The following ARHGEF10L variants were observed in gnomAD, a reference collection of about 807,000 sequenced individuals.
The protein encoded by ARHGEF10L is Rho guanine nucleotide exchange factor 10 like.
A neutral mutation model predicts 141.2 loss-of-function variants in ARHGEF10L; 69 were observed. The observed-to-expected ratio is 0.49, with a 90% CI of 0.40 to 0.60. The LOEUF is 0.60. Ranked by LOEUF, ARHGEF10L falls within the 20% of genes least tolerant of loss-of-function variation. The pLI is 0.00. For missense variants in ARHGEF10L, 1,482 were observed against 1,734.3 expected, an observed-to-expected ratio of 0.85 and a Z score of 2.58; for synonymous variants, 711 against 718.5, an observed-to-expected ratio of 0.99 and a Z score of 0.17.
chr1:17,640,248 C>T lies in ARHGEF10L; in HGVS notation c.2218C>T (p.Pro740Ser), dbSNP rs1306978913. The T allele has an allele frequency of 1.1e-5, 17 of 1,613,292 alleles. No individual in the cohort carries two copies. Among genetic ancestry groups the T allele is most frequent in the Non-Finnish European group, 1.2e-5 (14 of 1,179,800 alleles). Residue 740 changes from proline (P) to serine (S), a missense_variant, in exon 21 of 29, where the codon CCC becomes TCC. Around this residue, in one of 3 missense-constraint regions of ARHGEF10L, gnomAD observed 858 missense variants for 966.3 expected, o/e 0.89. Transcript: ENST00000361221. ...CATGGTGGTTTTCATCACCCCCAAC[C>T]CCCTGAGCAAGATTTCCTGGGTCAA... Reference protein sequence around the residue: ...SFMVVFITPNPLSKISWVNRL... With the variant: ...SFMVVFITPNSLSKISWVNRL...
At chr1:17,517,942 C>A in the ARHGEF10L span, among the ~76,000 whole-genome samples, 1 of 152,142 alleles carries the variant, frequency 6.6e-6, no homozygotes, top group Non-Finnish European at 1.5e-5. Context: ...GAATTATAGG[C>A]GTGAGCCACA....
the ARHGEF10L span, among the ~76,000 whole-genome samples, chr1:17,532,165 C>T: frequency 2.0e-5 from 3 of 152,286 alleles, no homozygotes; most frequent in Non-Finnish European, 1.5e-5. Flanking sequence ...CCTGCTCCCT[C>T]TCCTCAGCAG....
chr1:17,559,603 A>C (rs1053026446), intron 1 of ARHGEF10L, among the ~76,000 whole-genome samples: 2 of 152,042 alleles, frequency 1.3e-5, no homozygotes, highest in African/African-American at 4.8e-5. Context: ...TGAAATCTTC[A>C]TTTGCTAGGG....
chr1:17,684,492 GCA>G (rs1319638055), intron 26 of ARHGEF10L, among the ~76,000 whole-genome samples: 1 of 152,140 alleles, frequency 6.6e-6, no homozygotes, highest in African/African-American at 2.4e-5. Context: ...TGAGCCTCTT[GCA>G]CCTGGGCCTT....
rs934579598 is a variant in ARHGEF10L at position 17,623,495 on chromosome 1, G to A, written c.1200+320G>A. The stretch of plus-strand genomic sequence containing the variant: ...CTGGCCGGTCACAAGCTCTCTTACC[G>A]AGCACTTGAGGGGTTTCAAGCCAGT... On this transcript the variant is annotated intron_variant, in intron 12 of 28. Transcript: ENST00000361221. This position sits in a 1 kb window ranked among gnomAD's most constrained non-coding sequence, Gnocchi z 4.7. Among the ~76,000 whole-genome samples the A allele has an allele frequency of 1.3e-5, 2 of 152,116 alleles. No homozygotes were observed. Among genetic ancestry groups the A allele is most frequent in the Admixed American group, 6.5e-5 (1 of 15,276 alleles).
chr1:17,535,566 G>A (rs1196800257), upstream of ARHGEF10L, among the ~76,000 whole-genome samples: 1 of 152,206 alleles, frequency 6.6e-6, no homozygotes, highest in Non-Finnish European at 1.5e-5. Context: ...TCTCTGACCA[G>A]GGAAATACCA....
At chr1:17,542,536 G>A (rs1350792783) in intron 1 of ARHGEF10L, among the ~76,000 whole-genome samples, 4 of 152,164 alleles carry the variant, frequency 2.6e-5, no homozygotes. Context: ...AGTGCCAGGT[G>A]TTGGGCTAGA....
At position 17,635,014 on chromosome 1, in the gene ARHGEF10L, A is replaced by C. The variant is rs147866453; in HGVS notation, c.1925A>C (p.Gln642Pro). The change falls in exon 18 of 29, where the codon CAG (glutamine) becomes CCG (proline). Residue 642 changes from glutamine to proline, a missense_variant and splice_region_variant. Gln to Pro is a moderately conservative substitution (Grantham distance 76). Coordinates refer to ENST00000361221, the MANE Select transcript of ARHGEF10L (RefSeq NM_018125.4). ...AKKASASGQA[Q>P]NKVYLGPPRL... ...AAGGCCTCTGCCTCAGGGCAGGCTCAGAGTGAGTACCCCCTCTCTGTGCCC... is the reference window on the plus strand; with the variant it reads ...AAGGCCTCTGCCTCAGGGCAGGCTCCGAGTGAGTACCCCCTCTCTGTGCCC... 90 of 1,614,014 alleles carry C rather than the reference A, an allele frequency of 5.6e-5. No homozygotes were observed. The South Asian group carries it at 6.7e-4, about 12-fold the overall frequency.
intron 21 of ARHGEF10L, among the ~76,000 whole-genome samples, chr1:17,642,758 G>A (rs1244933470): frequency 6.6e-6 from 1 of 152,208 alleles, no homozygotes; most frequent in Non-Finnish European, 1.5e-5. Context: ...AGAAGACTTT[G>A]GGAATCCTGG....
At chr1:17,524,336 C>T in the ARHGEF10L span, among the ~76,000 whole-genome samples, 1 of 142,552 alleles carries the variant, frequency 7.0e-6, no homozygotes, top group African/African-American at 2.6e-5. Flanking sequence ...CTTGGATCAG[C>T]CTGGGCAACA....
chr1:17,589,034 C>T (rs2079306699), intron 4 of ARHGEF10L, among the ~76,000 whole-genome samples: 1 of 152,062 alleles, frequency 6.6e-6, no homozygotes, highest in Admixed American at 6.5e-5. Context: ...CCCTCTGTGC[C>T]TGGGAGCCTG....
In ARHGEF10L at chr1:17,615,876, C is replaced by T. The variant is rs936015215; in HGVS notation, c.727-218C>T. 6.3e-5 allele frequency: 34 copies of T among 535,592 alleles called. No individual in the cohort carries two copies. The highest frequency in any genetic ancestry group is 9.4e-5 in the Admixed American group (3 of 31,936). 33.2% of individuals were successfully genotyped at this position (535,592 alleles called of 1,614,324 possible). ...TAGTCTGTCCTGAAAGGAAAAAAAT[C>T]GGTTACAGCCTCCTGTTGCCCCTAA... On this transcript the variant is annotated intron_variant, in intron 8 of 28. Transcript: ENST00000361221. This position sits in a 1 kb window ranked among gnomAD's most constrained non-coding sequence, Gnocchi z 4.7.
chr1:17,560,665 A>C (rs190638907), intron 1 of ARHGEF10L, among the ~76,000 whole-genome samples: 38 of 152,294 alleles, frequency 2.5e-4, no homozygotes, highest in African/African-American at 8.2e-4. Flanking sequence ...TTCTGGGTTC[A>C]ATAGATTTTC....
At chr1:17,587,952 G>C (rs2079164748) in intron 3 of ARHGEF10L, among the ~76,000 whole-genome samples, 1 of 152,262 alleles carries the variant, frequency 6.6e-6, no homozygotes, top group South Asian at 2.1e-4. Context: ...TTCTCCTAAA[G>C]AATCCACACC....
chr1:17,696,772 C>T, intron 28 of ARHGEF10L, 76 bp from the exon 29 acceptor site: 2 of 1,440,390 alleles, frequency 1.4e-6, no homozygotes. Flanking sequence ...GAATGTTCTC[C>T]AGGAGAGAGA....
intron 28 of ARHGEF10L, 136 bp downstream of exon 28, chr1:17,695,416 G>A: frequency 8.1e-7 from 1 of 1,240,358 alleles, no homozygotes; most frequent in Non-Finnish European, 1.1e-6. Flanking sequence ...TCTCATCTCA[G>A]GTGGCATGGT....
chr1:17,662,505 G>A (rs1356846477), intron 25 of ARHGEF10L, among the ~76,000 whole-genome samples: 1 of 152,196 alleles, frequency 6.6e-6, no homozygotes, highest in Non-Finnish European at 1.5e-5. Context: ...GGCTGGCCGG[G>A]CAGAGCGCTC....
chr1:17,619,255 C>T lies in ARHGEF10L; in HGVS notation c.836-84C>T. On this transcript the variant is annotated intron_variant, in intron 9 of 28. Transcript: ENST00000361221. The surrounding 1 kb of genome is among the most constrained non-coding windows in gnomAD (Gnocchi z 5.0). Reference sequence around the variant, plus strand: ...CCTAGGACCTGGGTCCAAGGCTGGTCTAGGGGGGCTCTCAGCTCCTGAGGC... The same window carrying T: ...CCTAGGACCTGGGTCCAAGGCTGGTTTAGGGGGGCTCTCAGCTCCTGAGGC... 7.2e-7 allele frequency: 1 copy of T among 1,382,390 alleles called. No homozygotes were observed. Among genetic ancestry groups the T allele is most frequent in the Non-Finnish European group, 1.0e-6 (1 of 990,408 alleles). 85.6% of individuals were successfully genotyped at this position (1,382,390 alleles called of 1,614,324 possible). A position where few individuals can be genotyped will look rare whatever the true frequency, so the allele number is the denominator to read the frequency against.
chr1:17,526,899 G>A, the ARHGEF10L span, among the ~76,000 whole-genome samples: 11 of 86,754 alleles, frequency 1.3e-4, no homozygotes, highest in Non-Finnish European at 7.2e-5. Flanking sequence ...GTGAGACCCT[G>A]TCTCCAAAAG....
Sources: allele counts gnomAD v4.1 joint callset (sites outside exome capture counted in the v4.1 genomes callset), GRCh38; gene constraint gnomAD v4.1.1; regional missense constraint gnomAD v4.1.1; non-coding constraint Gnocchi (gnomAD v3.1); transcripts MANE v1.5; gene names NCBI Gene and HGNC (gene_info 2026-07-23, HGNC 2026-07-21).